ARHGEF28: variants seen among roughly 807,000 people sequenced by gnomAD.
The protein encoded by ARHGEF28 is 190 kDa guanine nucleotide exchange factor.
Under a neutral mutation model 206.6 loss-of-function variants are expected in ARHGEF28, and 152 were observed. The ratio of observed to expected loss-of-function variants is 0.74; its 90% confidence interval spans 0.64 to 0.84. The LOEUF is 0.84. ARHGEF28 is among the 40% of genes least tolerant of loss of function. The pLI, the probability that ARHGEF28 is intolerant of heterozygous loss-of-function variation, is 0.00. For synonymous variants in ARHGEF28, 763 were observed against 776.4 expected, an observed-to-expected ratio of 0.98 and a Z score of 0.29; for missense variants, 2,028 against 2,073.2, an observed-to-expected ratio of 0.98 and a Z score of 0.42.
chr5:73,679,044 G>A (rs76287869), intron 1 of ARHGEF28, among the ~76,000 whole-genome samples: 3,952 of 152,174 alleles, frequency 0.026, 178 homozygotes, highest in African/African-American at 0.089. Flanking sequence ...ATGCACCACC[G>A]TGCCCGGTTA....
intron 6 of ARHGEF28, among the ~76,000 whole-genome samples, chr5:73,777,567 G>A (rs1753610281): frequency 6.6e-6 from 1 of 152,108 alleles, no homozygotes; most frequent in Non-Finnish European, 1.5e-5. Context: ...TAATGAGTTA[G>A]CCAAAAACAT....
At chr5:73,833,517 A>G (rs1757425379) in intron 10 of ARHGEF28, among the ~76,000 whole-genome samples, 1 of 152,002 alleles carries the variant, frequency 6.6e-6, no homozygotes, top group African/African-American at 2.4e-5. Context: ...TCAGCTGTAA[A>G]TAACTGGTAT....
chr5:73,709,649 C>T (rs1476239348), intron 2 of ARHGEF28, among the ~76,000 whole-genome samples: 1 of 152,100 alleles, frequency 6.6e-6, no homozygotes, highest in African/African-American at 2.4e-5. Context: ...TCAGATGTGC[C>T]TTGTAGATAA....
chr5:73,884,574 G>T (rs879708923), intron 24 of ARHGEF28, among the ~76,000 whole-genome samples: 1 of 152,158 alleles, frequency 6.6e-6, no homozygotes, highest in African/African-American at 2.4e-5. Context: ...TATTATTAGG[G>T]TGGTAGTGTG....
chr5:73,692,550 G>T (rs1037997778), intron 2 of ARHGEF28, among the ~76,000 whole-genome samples: 2 of 152,160 alleles, frequency 1.3e-5, no homozygotes, highest in Non-Finnish European at 2.9e-5. Flanking sequence ...GTTGGTTGCT[G>T]CTGGGCTCAT....
At chr5:73,813,584 A>G (rs1186004192) in intron 9 of ARHGEF28, 1 of 1,535,682 alleles carries the variant, frequency 6.5e-7, no homozygotes, top group Non-Finnish European at 8.7e-7. Context: ...CACCAAAACA[A>G]AAAGATGGAT....
intron 2 of ARHGEF28, among the ~76,000 whole-genome samples, chr5:73,732,949 A>G (rs1428713326): frequency 1.3e-5 from 2 of 152,322 alleles, no homozygotes; most frequent in South Asian, 4.1e-4. Context: ...TTTGAGAGGA[A>G]ATAATTACTT....
chr5:73,817,732 T>C (rs1169222781), intron 9 of ARHGEF28, among the ~76,000 whole-genome samples: 2 of 152,180 alleles, frequency 1.3e-5, no homozygotes, highest in Non-Finnish European at 2.9e-5. Flanking sequence ...TTAGAGCTAA[T>C]AAATGGCAGA....
chr5:73,820,761 G>A (rs1461302945), intron 9 of ARHGEF28, among the ~76,000 whole-genome samples: 6 of 152,154 alleles, frequency 3.9e-5, no homozygotes, highest in African/African-American at 2.4e-5. Flanking sequence ...AGGCCACTTC[G>A]TGTTCTTCTC....
chr5:73,872,161 T>C (rs1025942367), intron 21 of ARHGEF28, among the ~76,000 whole-genome samples: 108 of 152,176 alleles, frequency 7.1e-4, no homozygotes, highest in African/African-American at 2.5e-3. Flanking sequence ...TGTTTGTTGC[T>C]TTTTTATTAT....
At chr5:73,909,982 G>A (rs1000282107) in intron 34 of ARHGEF28, 85 bp downstream of exon 34, 1 of 1,413,730 alleles carries the variant, frequency 7.1e-7, no homozygotes, top group South Asian at 1.7e-5. Context: ...CCAAACATCT[G>A]TCATTTTGGA....
intron 30 of ARHGEF28, chr5:73,899,686 G>A (rs1405765204): frequency 1.3e-5 from 2 of 152,278 alleles, no homozygotes; most frequent in Non-Finnish European, 2.9e-5. Context: ...TTCTGCAAAT[G>A]ACTTGGAGAA....
chr5:73,921,776 A>G (rs553979380), intron 35 of ARHGEF28, among the ~76,000 whole-genome samples: 1 of 152,326 alleles, frequency 6.6e-6, no homozygotes, highest in African/African-American at 2.4e-5. Flanking sequence ...TGCTTCTCTG[A>G]TGAATTGAGG....
chr5:73,656,972 C>A lies in ARHGEF28; in HGVS notation c.-11-27869C>A, dbSNP rs994276314. Among the ~76,000 whole-genome samples, 5 of 151,904 alleles carry A rather than the reference C, an allele frequency of 3.3e-5. No individual in the cohort carries two copies. In the South Asian group the frequency reaches 1.0e-3, roughly 32 times the overall value. The stretch of plus-strand genomic sequence containing the variant: ...GATCACGAGGTCAGGAGATGGAGAC[C>A]ATCCTGGCTAACATGGTGAAATCCT... On this transcript the variant is annotated intron_variant, in intron 1 of 35. Coordinates refer to ENST00000513042, the MANE Select transcript of ARHGEF28 (RefSeq NM_001177693.2).
chr5:73,924,629 C>T (rs1466845861), intron 35 of ARHGEF28, among the ~76,000 whole-genome samples: 1 of 152,144 alleles, frequency 6.6e-6, no homozygotes, highest in Non-Finnish European at 1.5e-5. Flanking sequence ...CTTGTTATGC[C>T]TCATTTGGGT....
intron 1 of ARHGEF28, chr5:73,627,170 C>T (rs917111822): frequency 6.6e-6 from 1 of 152,314 alleles, no homozygotes; most frequent in African/African-American, 2.4e-5. Flanking sequence ...ACAGTGGCAA[C>T]ATCTGTGTTT....
intron 35 of ARHGEF28, among the ~76,000 whole-genome samples, chr5:73,919,425 C>T (rs562551517): frequency 1.3e-5 from 2 of 152,274 alleles, no homozygotes; most frequent in South Asian, 4.1e-4. Flanking sequence ...TTGCTTCTTC[C>T]TTTTGTTCCT....
chr5:73,711,810 T>C (rs1184288543), intron 2 of ARHGEF28, among the ~76,000 whole-genome samples: 1 of 152,048 alleles, frequency 6.6e-6, no homozygotes, highest in East Asian at 1.9e-4. Context: ...TTTATTCCTA[T>C]CTTTGTGCCA....
In ARHGEF28 at chr5:73,885,932, T is replaced by C. The variant is rs1761256963; in HGVS notation, c.3138T>C (p.Asn1046=). ...TTGCAACAGTGGATTTAAAAGTCAATGAATATGAGAAAAACCAAAAATGGC... is the reference window on the plus strand; with the variant it reads ...TTGCAACAGTGGATTTAAAAGTCAACGAATATGAGAAAAACCAAAAATGGC... ...DMIATVDLKV[N]EYEKNQKWLE... is the part of the protein sequence containing the mutation. The change falls in exon 25 of 36, where the codon AAT becomes AAC. Residue 1046 remains asparagine (N), a synonymous_variant. Coordinates refer to ENST00000513042, the MANE Select transcript of ARHGEF28 (RefSeq NM_001177693.2). The C allele has an allele frequency of 6.2e-7, 1 of 1,613,588 alleles. No individual in the cohort carries two copies. Among genetic ancestry groups the C allele is most frequent in the Non-Finnish European group, 8.5e-7 (1 of 1,179,720 alleles).
Sources: gnomAD v4.1 joint callset for allele counts (sites outside exome capture counted in the v4.1 genomes callset) on GRCh38, gnomAD v4.1.1 for gene constraint, MANE v1.5 for transcripts, NCBI Gene and HGNC (gene_info 2026-07-23, HGNC 2026-07-21) for gene names.